PTPRD: variants seen among roughly 807,000 people sequenced by gnomAD.
PTPRD encodes the protein receptor-type tyrosine-protein phosphatase delta.
A neutral mutation model predicts 214.5 loss-of-function variants in PTPRD; 34 were observed. That is an observed-to-expected ratio of 0.16 (90% confidence interval 0.12 to 0.21). The LOEUF (loss-of-function observed/expected upper bound fraction) is 0.21. Among genes scored for constraint, PTPRD ranks in the 10% least tolerant of loss-of-function variants. PTPRD has a pLI of 1.00. For synonymous variants in PTPRD, 1,128 were observed against 845.7 expected (o/e 1.33, Z -5.79); for missense variants, 2,545 against 2,398.7 (o/e 1.06, Z -1.27).
chr9:9,907,428 T>C (rs2077899434), intron 5 of PTPRD, among the ~76,000 whole-genome samples: 1 of 151,954 alleles, frequency 6.6e-6, no homozygotes, highest in South Asian at 2.1e-4. Flanking sequence ...TTGGTAGGTC[T>C]GGTTTCTCAT....
intron 3 of PTPRD, among the ~76,000 whole-genome samples, chr9:10,220,502 A>G (rs972433039): frequency 9.2e-5 from 14 of 152,098 alleles, no homozygotes; most frequent in South Asian, 6.2e-4. Context: ...CATGAAAGTT[A>G]AATGGTGAAA....
chr9:9,975,432 C>T (rs377103025), intron 4 of PTPRD, among the ~76,000 whole-genome samples: 1 of 152,182 alleles, frequency 6.6e-6, no homozygotes, highest in Non-Finnish European at 1.5e-5. Flanking sequence ...GTGGACAATG[C>T]GTTAAGCGAT....
chr9:9,391,113 T>C (rs1182916805), intron 9 of PTPRD, among the ~76,000 whole-genome samples: 1 of 151,982 alleles, frequency 6.6e-6, no homozygotes, highest in Non-Finnish European at 1.5e-5. Context: ...CAAATATGAA[T>C]AAAAATATGA....
chr9:8,832,893 T>C (rs985800214), intron 11 of PTPRD, among the ~76,000 whole-genome samples: 2 of 152,034 alleles, frequency 1.3e-5, no homozygotes, highest in Non-Finnish European at 2.9e-5. Context: ...ATATCTGAAA[T>C]GAAAACAAAT....
At chr9:8,479,578 A>T (rs2096837839) in intron 30 of PTPRD, among the ~76,000 whole-genome samples, 1 of 152,212 alleles carries the variant, frequency 6.6e-6, no homozygotes, top group African/African-American at 2.4e-5. Flanking sequence ...AAAGGTAGAA[A>T]ACATTCTGCA....
intron 31 of PTPRD, among the ~76,000 whole-genome samples, chr9:8,469,079 G>C (rs1308584445): frequency 2.0e-5 from 3 of 151,916 alleles, no homozygotes; most frequent in African/African-American, 4.8e-5. Context: ...CAAAAATTTT[G>C]AATTAATAAA....
intron 11 of PTPRD, among the ~76,000 whole-genome samples, chr9:8,863,085 T>C (rs1022914402): frequency 6.6e-6 from 1 of 150,642 alleles, no homozygotes; most frequent in Admixed American, 6.6e-5. Context: ...AAAAAAGAAA[T>C]CCACATCTTT....
chr9:8,557,455 T>TACATATATATATATATACATACACATAC (rs1554784504), intron 14 of PTPRD, among the ~76,000 whole-genome samples: 1 of 135,640 alleles, frequency 7.4e-6, no homozygotes, highest in African/African-American at 3.5e-5. Flanking sequence ...TATATATATA[T>TACATATATATATATATACATACACATAC]ATTTGGGCCG....
At chr9:8,830,934 T>C (rs569254300) in intron 11 of PTPRD, among the ~76,000 whole-genome samples, 19 of 152,306 alleles carry the variant, frequency 1.2e-4, no homozygotes, top group African/African-American at 4.3e-4. Flanking sequence ...AAGTGATATA[T>C]CAGCATTTAG....
Position 9,954,303 on chromosome 9 carries a change from A to G in PTPRD, c.-471-15693T>C, listed in dbSNP as rs868587730. ...TTGAGACTCTGTCTCAAAACAAAAA[A>G]AAAAAAAAAAAAAAAAAAAAAGATC... On this transcript the variant is annotated intron_variant, in intron 4 of 45. Transcript: ENST00000381196. Among the ~76,000 whole-genome samples the G allele has an allele frequency of 7.4e-4, 107 of 145,330 alleles. 3 individuals carry two copies. Among genetic ancestry groups the G allele is most frequent in the South Asian group, 5.1e-3 (24 of 4,666 alleles).
At chr9:10,242,067 T>A (rs539506187) in intron 3 of PTPRD, among the ~76,000 whole-genome samples, 1 of 152,004 alleles carries the variant, frequency 6.6e-6, no homozygotes, top group South Asian at 2.1e-4. Context: ...GTGCCATGAA[T>A]TAAAGACTAT....
At chr9:9,951,281 G>A (rs1038076533) in intron 4 of PTPRD, among the ~76,000 whole-genome samples, 19 of 152,256 alleles carry the variant, frequency 1.2e-4, no homozygotes, top group African/African-American at 4.6e-4. Context: ...AAGCCTAAGG[G>A]CCTCAATGGC....
At chr9:9,632,943 G>A (rs1265884074) in intron 7 of PTPRD, among the ~76,000 whole-genome samples, 4 of 152,118 alleles carry the variant, frequency 2.6e-5, no homozygotes, top group Non-Finnish European at 5.9e-5. Flanking sequence ...AAGAAACAGA[G>A]TGCCCTTGGG....
intron 2 of PTPRD, among the ~76,000 whole-genome samples, chr9:10,425,306 T>G (rs1439109451): frequency 2.6e-5 from 4 of 152,024 alleles, no homozygotes; most frequent in Non-Finnish European, 5.9e-5. Flanking sequence ...TCAGCCTCAG[T>G]GTTGCACATA....
chr9:8,382,880 G>T (rs1232573013), intron 37 of PTPRD, among the ~76,000 whole-genome samples: 1 of 152,184 alleles, frequency 6.6e-6, no homozygotes, highest in African/African-American at 2.4e-5. Flanking sequence ...GAAATTAAAT[G>T]TTCACGGCCT....
chr9:9,227,679 C>A (rs531822065), intron 9 of PTPRD, among the ~76,000 whole-genome samples: 6 of 152,068 alleles, frequency 3.9e-5, no homozygotes, highest in African/African-American at 9.7e-5. Flanking sequence ...AATTACTTAT[C>A]TGGGGGAAGC....
At position 8,486,009 on chromosome 9, in the gene PTPRD, C is replaced by A. The variant is rs778482795; in HGVS notation, c.2808G>T (p.Gln936His). ...CCAGGACAGGTGGTTGCCAAGATAA[C>A]TGGACGGAGGTTGAAGTGGTGCCTT... Reference protein sequence around the residue: ...HSEGTTSTSVQLSWQPPVLAE... With the variant: ...HSEGTTSTSVHLSWQPPVLAE... Residue 936 changes from glutamine to histidine, a missense_variant, in exon 28 of 46, where the codon CAG becomes CAT. Physicochemically the swap from Gln to His is conservative, Grantham distance 24. Coordinates refer to ENST00000381196, the MANE Select transcript of PTPRD (RefSeq NM_002839.4). 1.2e-6 allele frequency: 2 copies of A among 1,614,176 alleles called. No homozygotes were observed. The highest frequency in any genetic ancestry group is 1.1e-5 in the South Asian group (1 of 91,084).
chr9:9,459,409 A>T (rs971170041), intron 8 of PTPRD, among the ~76,000 whole-genome samples: 4 of 152,138 alleles, frequency 2.6e-5, no homozygotes, highest in Admixed American at 2.6e-4. Flanking sequence ...GAGAAAGTCA[A>T]ATTATCTCCG....
chr9:10,186,008 G>A (rs575803992), intron 3 of PTPRD, among the ~76,000 whole-genome samples: 1 of 152,206 alleles, frequency 6.6e-6, no homozygotes, highest in African/African-American at 2.4e-5. Flanking sequence ...GCTCAGGTTT[G>A]AGAGGTAGTA....
Sources: gnomAD v4.1 joint callset for allele counts (sites outside exome capture counted in the v4.1 genomes callset) on GRCh38, gnomAD v4.1.1 for gene constraint, MANE v1.5 for transcripts, NCBI Gene and HGNC (gene_info 2026-07-23, HGNC 2026-07-21) for gene names.